The following RASAL2 variants were observed in gnomAD, a reference collection of about 807,000 sequenced individuals.
RASAL2 encodes the protein ras GTPase-activating protein nGAP.
RASAL2 carries 58 observed loss-of-function variants against 128.9 expected under a neutral mutation model. The ratio of observed to expected loss-of-function variants is 0.45; its 90% CI spans 0.36 to 0.56. The LOEUF (loss-of-function observed/expected upper bound fraction) is 0.56, where lower values mean the gene tolerates loss of function less well. RASAL2 is among the 20% of genes least tolerant of loss of function. RASAL2 has a pLI of 0.00. For missense variants in RASAL2, 1,360 were observed against 1,601.6 expected (o/e 0.85, Z 2.57); for synonymous variants, 561 against 580.8 (o/e 0.97, Z 0.49).
intron 1 of RASAL2, among the ~76,000 whole-genome samples, chr1:178,248,215 T>C (rs936100416): frequency 6.6e-6 from 1 of 152,226 alleles, no homozygotes; most frequent in Non-Finnish European, 1.5e-5. Flanking sequence ...AGTCTCTTCG[T>C]AGATCTCTGA....
chr1:178,265,378 C>T (rs997701689), intron 1 of RASAL2, among the ~76,000 whole-genome samples: 2 of 152,170 alleles, frequency 1.3e-5, no homozygotes, highest in African/African-American at 4.8e-5. Flanking sequence ...CCTGCCTCAG[C>T]CTCCCAAATA....
At chr1:178,132,803 C>T (rs886594036) in intron 1 of RASAL2, among the ~76,000 whole-genome samples, 1 of 137,616 alleles carries the variant, frequency 7.3e-6, no homozygotes, top group African/African-American at 2.8e-5. Context: ...GAGTCTTGCT[C>T]TGTCACCCAG....
At chr1:178,125,647 A>C (rs1320397931) in intron 1 of RASAL2, 1 of 152,208 alleles carries the variant, frequency 6.6e-6, no homozygotes, top group African/African-American at 2.4e-5. Context: ...TTACATTGAC[A>C]AGGCTTCTGC....
At chr1:178,468,946 A>C (rs886807160) in intron 17 of RASAL2, among the ~76,000 whole-genome samples, 1 of 152,230 alleles carries the variant, frequency 6.6e-6, no homozygotes, top group African/African-American at 2.4e-5. Context: ...CCACACAAGG[A>C]GAGATGTTAG....
rs80156052 is a variant in RASAL2, at chr1:178,450,175, T to G, written c.1628-1396T>G. Among the ~76,000 whole-genome samples the G allele has an allele frequency of 1.6e-3, 242 of 152,290 alleles. 3 individuals are homozygous for G. Among genetic ancestry groups the G allele is most frequent in the East Asian group, 3.3e-3 (17 of 5,192 alleles). On this transcript the variant is annotated intron_variant, in intron 9 of 17. Coordinates refer to ENST00000367649, the MANE Select transcript of RASAL2 (RefSeq NM_170692.4). ...AAAAAATTATTCAAAAGTTGCATGA[T>G]TTTTAAATTAAAATACTTTTTGTAT... is the stretch of plus-strand genomic sequence containing the variant.
chr1:178,414,881 T>C (rs1428747696), intron 4 of RASAL2, among the ~76,000 whole-genome samples: 1 of 152,152 alleles, frequency 6.6e-6, no homozygotes, highest in Non-Finnish European at 1.5e-5. Context: ...GATTATCAAA[T>C]CCCTTTTTAC....
rs900712492 is a variant in RASAL2, at chr1:178,210,742, A to T, written c.203-72822A>T. On this transcript the variant is annotated intron_variant, in intron 1 of 17. Coordinates refer to ENST00000367649, the MANE Select transcript of RASAL2 (RefSeq NM_170692.4). ...ATTTGGTCTGAAAGTTTAGATAAAG[A>T]TCTGTGGACCTATTTGAAAATTTAT... Among the ~76,000 whole-genome samples, 6 of 152,208 alleles carry T rather than the reference A, an allele frequency of 3.9e-5. 1 individual carries two copies. The highest frequency in any genetic ancestry group is 2.0e-4 in the Admixed American group (3 of 15,282).
chr1:178,465,542 A>C (rs1355835230), intron 15 of RASAL2, among the ~76,000 whole-genome samples: 2 of 152,048 alleles, frequency 1.3e-5, no homozygotes, highest in Non-Finnish European at 2.9e-5. Context: ...TAAGTACTTC[A>C]TCTGGTTTTT....
chr1:178,413,302 A>G (rs917462852), intron 4 of RASAL2, among the ~76,000 whole-genome samples: 16 of 152,188 alleles, frequency 1.1e-4, no homozygotes, highest in Non-Finnish European at 2.4e-4. Flanking sequence ...GAAGAAACTA[A>G]TCAGAGCCTA....
chr1:178,228,602 A>G (rs1368609614), intron 1 of RASAL2, among the ~76,000 whole-genome samples: 1 of 152,164 alleles, frequency 6.6e-6, no homozygotes, highest in East Asian at 1.9e-4. Context: ...GAATTTTGGT[A>G]GTTTTTCGAA....
intron 1 of RASAL2, among the ~76,000 whole-genome samples, chr1:178,194,170 C>T (rs574931723): frequency 1.3e-5 from 2 of 152,312 alleles, no homozygotes; most frequent in African/African-American, 2.4e-5. Context: ...ACTTATCACT[C>T]CTGAGCAACA....
intron 3 of RASAL2, among the ~76,000 whole-genome samples, chr1:178,366,593 G>C (rs1252174): frequency 0.8 from 60,769 of 75,838 alleles, 23,164 homozygotes; most frequent in South Asian, 0.87. Context: ...ACCCCCCCCC[G>C]CCAAAAAAAA....
At chr1:178,165,885 C>T (rs1226069670) in intron 1 of RASAL2, among the ~76,000 whole-genome samples, 2 of 152,068 alleles carry the variant, frequency 1.3e-5, no homozygotes, top group African/African-American at 4.8e-5. Context: ...CAACATAAAC[C>T]TAATACTTGG....
chr1:178,162,642 C>T (rs1661369166), intron 1 of RASAL2, among the ~76,000 whole-genome samples: 1 of 147,910 alleles, frequency 6.8e-6, no homozygotes, highest in African/African-American at 2.5e-5. Flanking sequence ...GGCTGGAGTG[C>T]AGTGGCACGA....
chr1:178,183,612 C>T (rs1662190624), intron 1 of RASAL2, among the ~76,000 whole-genome samples: 2 of 152,174 alleles, frequency 1.3e-5, no homozygotes, highest in African/African-American at 2.4e-5. Flanking sequence ...AAACTGACTC[C>T]TTTCATGTAG....
At chr1:178,096,849 G>C in intron 1 of RASAL2, among the ~76,000 whole-genome samples, 1 of 150,282 alleles carries the variant, frequency 6.7e-6, no homozygotes, top group African/African-American at 2.5e-5. Context: ...GTTGTCTTTA[G>C]TTTATGTAAA....
chr1:178,139,712 G>A (rs970896507), intron 1 of RASAL2, among the ~76,000 whole-genome samples: 1 of 151,582 alleles, frequency 6.6e-6, no homozygotes, highest in Non-Finnish European at 1.5e-5. Context: ...ATTGTCAGTT[G>A]TCATAAGTTT....
At chr1:178,246,206 A>AT (rs986009604) in intron 1 of RASAL2, among the ~76,000 whole-genome samples, 7 of 152,090 alleles carry the variant, frequency 4.6e-5, no homozygotes, top group Non-Finnish European at 8.8e-5. Flanking sequence ...TGAGCATGGA[A>AT]TTTTTTTCCA....
intron 3 of RASAL2, among the ~76,000 whole-genome samples, chr1:178,330,704 G>A (rs1177043305): frequency 2.0e-5 from 3 of 152,146 alleles, no homozygotes; most frequent in Non-Finnish European, 4.4e-5. Context: ...GTCCTAGTGA[G>A]TGGAGCAGTG....
Sources: gnomAD v4.1 joint callset for allele counts (sites outside exome capture counted in the v4.1 genomes callset) on GRCh38, gnomAD v4.1.1 for gene constraint, MANE v1.5 for transcripts, NCBI Gene and HGNC (gene_info 2026-07-23, HGNC 2026-07-21) for gene names.